Variants in AGBL4 observed in about 807,000 individuals in gnomAD.
The protein encoded by AGBL4 is cytosolic carboxypeptidase 6.
AGBL4 carries 58 observed loss-of-function variants against 66.4 expected under a neutral mutation model. The ratio of observed to expected loss-of-function variants is 0.87; its 90% CI spans 0.71 to 1.09. The LOEUF is 1.09. Among genes scored for constraint, AGBL4 ranks in the 50% least tolerant of loss-of-function variants. The pLI is 0.00. For synonymous variants in AGBL4, 234 were observed against 222.9 expected (o/e 1.05, Z -0.44); for missense variants, 579 against 631.0 (o/e 0.92, Z 0.88).
intron 1 of AGBL4, among the ~76,000 whole-genome samples, chr1:50,001,920 T>C (rs567575373): frequency 6.6e-6 from 1 of 152,314 alleles, no homozygotes; most frequent in East Asian, 1.9e-4. Context: ...TTGCAACCAC[T>C]GGTCTAAGAG....
chr1:49,082,971 G>T (rs1644834445), intron 4 of AGBL4, among the ~76,000 whole-genome samples: 1 of 152,192 alleles, frequency 6.6e-6, no homozygotes, highest in Admixed American at 6.5e-5. Context: ...TTGAAATCCA[G>T]CAGGGCAGTG....
At chr1:48,578,584 C>T (rs1417919494) in intron 11 of AGBL4, among the ~76,000 whole-genome samples, 1 of 152,124 alleles carries the variant, frequency 6.6e-6, no homozygotes, top group Admixed American at 6.5e-5. Flanking sequence ...TGTCCTCCAC[C>T]GAAAATTTAG....
intron 9 of AGBL4, among the ~76,000 whole-genome samples, chr1:48,598,868 T>A (rs923671835): frequency 1.3e-5 from 2 of 152,170 alleles, no homozygotes; most frequent in African/African-American, 2.4e-5. Flanking sequence ...TTTAATTTTT[T>A]AAACTTTTTG....
At chr1:49,961,317 TGG>T (rs943852209) in intron 1 of AGBL4, among the ~76,000 whole-genome samples, 3 of 152,090 alleles carry the variant, frequency 2.0e-5, no homozygotes, top group African/African-American at 7.2e-5. Flanking sequence ...GTGACCAGCC[TGG>T]GCAACATAGT....
intron 3 of AGBL4, among the ~76,000 whole-genome samples, chr1:49,520,372 G>C (rs1038381915): frequency 6.6e-6 from 1 of 151,928 alleles, no homozygotes; most frequent in Non-Finnish European, 1.5e-5. Context: ...CTACAAAAAT[G>C]ACAACTACCC....
intron 3 of AGBL4, among the ~76,000 whole-genome samples, chr1:49,258,517 C>T (rs1004994617): frequency 5.3e-5 from 8 of 152,108 alleles, no homozygotes; most frequent in Non-Finnish European, 1.2e-4. Flanking sequence ...ATGCAGAAGC[C>T]TCAGGAGCCG....
chr1:49,313,643 T>C (rs1185843775), intron 3 of AGBL4, among the ~76,000 whole-genome samples: 3 of 151,932 alleles, frequency 2.0e-5, no homozygotes, highest in Non-Finnish European at 2.9e-5. Context: ...GAGCTTTTTT[T>C]CATATGTTTG....
At chr1:49,547,441 C>T (rs934363588) in intron 3 of AGBL4, among the ~76,000 whole-genome samples, 9 of 152,136 alleles carry the variant, frequency 5.9e-5, no homozygotes, top group Non-Finnish European at 1.0e-4. Flanking sequence ...TAGTGTGATG[C>T]TTCCAGATTT....
chr1:48,939,798 GACA>G (rs1182813961), intron 5 of AGBL4, among the ~76,000 whole-genome samples: 1 of 152,202 alleles, frequency 6.6e-6, no homozygotes, highest in Non-Finnish European at 1.5e-5. Flanking sequence ...ATTCAACAAT[GACA>G]ACATTAATAA....
At chr1:48,714,879 A>G (rs920374185) in intron 6 of AGBL4, among the ~76,000 whole-genome samples, 4 of 152,248 alleles carry the variant, frequency 2.6e-5, no homozygotes, top group Admixed American at 2.6e-4. Flanking sequence ...TCGCTCATTC[A>G]TCGATTCAAC....
At chr1:49,856,121 T>C (rs911577400) in intron 1 of AGBL4, among the ~76,000 whole-genome samples, 8 of 152,108 alleles carry the variant, frequency 5.3e-5, no homozygotes, top group Admixed American at 5.2e-4. Flanking sequence ...CCATGTGCTA[T>C]CAAATTGGAA....
chr1:49,053,491 C>A (rs190388685), intron 4 of AGBL4, among the ~76,000 whole-genome samples: 2 of 152,160 alleles, frequency 1.3e-5, no homozygotes, highest in Non-Finnish European at 2.9e-5. Context: ...ATGTTGTAAC[C>A]TTCAAGATAC....
chr1:49,881,425 T>C (rs1275416528), intron 1 of AGBL4, among the ~76,000 whole-genome samples: 1 of 151,964 alleles, frequency 6.6e-6, no homozygotes, highest in Non-Finnish European at 1.5e-5. Context: ...CTGGGTCAAA[T>C]GGTATTTCTA....
intron 4 of AGBL4, among the ~76,000 whole-genome samples, chr1:49,134,556 G>A (rs182897127): frequency 7.2e-6 from 1 of 138,702 alleles, no homozygotes; most frequent in Non-Finnish European, 1.5e-5. Flanking sequence ...AAAGAATTCA[G>A]TGATATTTCT....
chr1:48,991,406 C>A (rs1660597085), intron 5 of AGBL4, among the ~76,000 whole-genome samples: 1 of 151,958 alleles, frequency 6.6e-6, no homozygotes, highest in African/African-American at 2.4e-5. Flanking sequence ...TTTTAGGATC[C>A]CTTTATTCTT....
chr1:49,073,186 A>G (rs1644644161), intron 4 of AGBL4, among the ~76,000 whole-genome samples: 1 of 152,134 alleles, frequency 6.6e-6, no homozygotes, highest in Non-Finnish European at 1.5e-5. Flanking sequence ...GCATTGGGTT[A>G]GAACATGCTC....
At chr1:48,620,089 T>C (rs779542942) in intron 9 of AGBL4, among the ~76,000 whole-genome samples, 4 of 152,122 alleles carry the variant, frequency 2.6e-5, no homozygotes, top group Non-Finnish European at 4.4e-5. Flanking sequence ...TCGGAATGAA[T>C]TGAAACCGAC....
At chr1:49,840,477 C>A (rs1334668325) in intron 2 of AGBL4, among the ~76,000 whole-genome samples, 3 of 151,968 alleles carry the variant, frequency 2.0e-5, no homozygotes, top group Non-Finnish European at 2.9e-5. Flanking sequence ...TGAAACTATT[C>A]CAAAAAACTG....
At chr1:48,721,485 G>C (rs1433900335) in intron 6 of AGBL4, among the ~76,000 whole-genome samples, 2 of 152,196 alleles carry the variant, frequency 1.3e-5, no homozygotes, top group Non-Finnish European at 2.9e-5. Flanking sequence ...AGGCCGGTGG[G>C]GTCCAGTGTG....
Sources: gnomAD v4.1 joint callset for allele counts (sites outside exome capture counted in the v4.1 genomes callset) on GRCh38, gnomAD v4.1.1 for gene constraint, MANE v1.5 for transcripts, NCBI Gene and HGNC (gene_info 2026-07-23, HGNC 2026-07-21) for gene names.